The following FRAS1 variants were observed in gnomAD, a reference collection of about 807,000 sequenced individuals.
The protein encoded by FRAS1 is Fraser extracellular matrix complex subunit 1.
Under a neutral mutation model 435.2 loss-of-function variants are expected in FRAS1, and 290 were observed. That is an observed-to-expected ratio of 0.67 (90% CI 0.61 to 0.73). The LOEUF (loss-of-function observed/expected upper bound fraction) is 0.73, where lower values mean the gene tolerates loss of function less well. Among genes scored for constraint, FRAS1 ranks in the 30% least tolerant of loss-of-function variants. The pLI is 0.00. For missense variants in FRAS1, 4,860 were observed against 5,001.5 expected, an observed-to-expected ratio of 0.97 and a Z score of 0.85; for synonymous variants, 1,800 against 1,851.0, an observed-to-expected ratio of 0.97 and a Z score of 0.71.
At chr4:78,094,605 T>C (rs1741701161) in intron 2 of FRAS1, among the ~76,000 whole-genome samples, 1 of 152,076 alleles carries the variant, frequency 6.6e-6, no homozygotes, top group Non-Finnish European at 1.5e-5. Context: ...TTGGTGAAAA[T>C]TTTCTGAGTT....
chr4:78,528,211 C>T (rs62310307), intron 70 of FRAS1, among the ~76,000 whole-genome samples: 58,059 of 151,966 alleles, frequency 0.38, 11,364 homozygotes, highest in South Asian at 0.54. Flanking sequence ...TAGAGGGTTA[C>T]AGCTAGCAGC....
chr4:78,498,842 T>TTTATTTA (rs1720590103), intron 60 of FRAS1, among the ~76,000 whole-genome samples: 13 of 147,686 alleles, frequency 8.8e-5, no homozygotes, highest in African/African-American at 3.0e-4. Flanking sequence ...CAATATATTA[T>TTTATTTA]TTTATTTATT....
At chr4:78,427,808 A>G (rs957651535) in intron 35 of FRAS1, among the ~76,000 whole-genome samples, 1 of 152,236 alleles carries the variant, frequency 6.6e-6, no homozygotes, top group Non-Finnish European at 1.5e-5. Flanking sequence ...GATCTGTCTC[A>G]AGGGAAAGAC....
At chr4:78,394,028 T>C (rs138978099) in intron 29 of FRAS1, among the ~76,000 whole-genome samples, 125 of 152,164 alleles carry the variant, frequency 8.2e-4, no homozygotes, top group Non-Finnish European at 1.4e-3. Flanking sequence ...GAGAAATACC[T>C]ATTTAGGTTT....
intron 6 of FRAS1, among the ~76,000 whole-genome samples, chr4:78,261,958 T>G (rs962554214): frequency 3.3e-5 from 5 of 152,194 alleles, no homozygotes; most frequent in African/African-American, 1.2e-4. Flanking sequence ...CAAGTTCCCT[T>G]CTTTCTATTT....
chr4:78,190,908 A>C (rs1224798070), intron 2 of FRAS1, among the ~76,000 whole-genome samples: 6 of 152,202 alleles, frequency 3.9e-5, no homozygotes. Context: ...AAACAACAAA[A>C]GATGTAATTA....
intron 20 of FRAS1, among the ~76,000 whole-genome samples, chr4:78,354,659 T>A (rs778855759): frequency 6.6e-5 from 10 of 152,200 alleles, no homozygotes; most frequent in Non-Finnish European, 1.3e-4. Flanking sequence ...CAAGTGCTGA[T>A]TATTTTGACC....
At chr4:78,422,070 AC>A (rs1379421334) in intron 34 of FRAS1, 70 bp downstream of exon 34, 1 of 1,494,242 alleles carries the variant, frequency 6.7e-7, no homozygotes, top group Non-Finnish European at 9.0e-7. Context: ...GCTCGCCCTA[AC>A]TCTCCCTGCA....
chr4:78,311,390 G>A (rs778916983), intron 15 of FRAS1, among the ~76,000 whole-genome samples: 3 of 152,072 alleles, frequency 2.0e-5, no homozygotes, highest in Non-Finnish European at 4.4e-5. Context: ...CATGCACCAC[G>A]TTGTTCTCTC....
intron 2 of FRAS1, among the ~76,000 whole-genome samples, chr4:78,122,986 T>C (rs1332978220): frequency 6.6e-6 from 1 of 152,194 alleles, no homozygotes; most frequent in Non-Finnish European, 1.5e-5. Context: ...TTTAATTAGA[T>C]CCCATTTGTC....
chr4:78,324,432 C>T (rs1179622560), intron 18 of FRAS1, among the ~76,000 whole-genome samples: 1 of 152,088 alleles, frequency 6.6e-6, no homozygotes, highest in Admixed American at 6.5e-5. Flanking sequence ...AATCTTATGG[C>T]ATAAATTCTG....
At chr4:78,117,658 G>A (rs564472702) in intron 2 of FRAS1, among the ~76,000 whole-genome samples, 25 of 152,152 alleles carry the variant, frequency 1.6e-4, no homozygotes, top group African/African-American at 3.6e-4. Flanking sequence ...TGTAGTTCTC[G>A]TGCCATGGTT....
intron 31 of FRAS1, among the ~76,000 whole-genome samples, chr4:78,410,858 C>T (rs571132502): frequency 2.0e-4 from 31 of 152,244 alleles, no homozygotes; most frequent in Middle Eastern, 3.4e-3. Context: ...GGATTATGTT[C>T]TCCTGATGTA....
At chr4:78,140,751 G>T (rs199570128) in intron 2 of FRAS1, among the ~76,000 whole-genome samples, 39 of 94,726 alleles carry the variant, frequency 4.1e-4, no homozygotes, top group Non-Finnish European at 4.5e-4. Context: ...ATGTATATAC[G>T]TGTGTGTATA....
At chr4:78,356,491 A>G (rs1578270090) in intron 20 of FRAS1, among the ~76,000 whole-genome samples, 3 of 152,292 alleles carry the variant, frequency 2.0e-5, no homozygotes, top group East Asian at 1.9e-4. Context: ...AGAAACCACA[A>G]GTGTGTTTTT....
chr4:78,088,992 C>T (rs1741359089), intron 2 of FRAS1, among the ~76,000 whole-genome samples: 1 of 152,020 alleles, frequency 6.6e-6, no homozygotes, highest in Non-Finnish European at 1.5e-5. Flanking sequence ...ATGTTTATTG[C>T]AGCACTATTC....
chr4:78,067,672 TTTATTA>T lies in FRAS1; in HGVS notation c.108+1692_108+1697del, dbSNP rs60743368. On this transcript the variant is annotated intron_variant, in intron 2 of 73. Transcript: ENST00000512123. ...TTTCTTTTTCTTTTTTTTTCTTTCTTTTATTATTATTATTATTATTATTATTATTAT... is the reference window on the plus strand; with the variant it reads ...TTTCTTTTTCTTTTTTTTTCTTTCTTTTATTATTATTATTATTATTATTAT... Among the ~76,000 whole-genome samples, 517 of 125,738 alleles carry T rather than the reference TTTATTA, an allele frequency of 4.1e-3. 3 individuals are homozygous for T. Among genetic ancestry groups the T allele is most frequent in the African/African-American group, 8.7e-3 (277 of 31,884 alleles). The allele number at this position is 125,738 out of a possible 152,430, so 82.5% of individuals were successfully genotyped here.
chr4:78,221,231 A>T (rs1390929925), intron 2 of FRAS1, among the ~76,000 whole-genome samples: 1 of 152,218 alleles, frequency 6.6e-6, no homozygotes, highest in Non-Finnish European at 1.5e-5. Flanking sequence ...TATAGAATTT[A>T]TTATAAAGGC....
At chr4:78,170,845 C>T (rs1224456907) in intron 2 of FRAS1, among the ~76,000 whole-genome samples, 2 of 152,022 alleles carry the variant, frequency 1.3e-5, no homozygotes, top group African/African-American at 4.8e-5. Context: ...AGTCACACTG[C>T]ATCCTCAGGT....
Sources: allele counts gnomAD v4.1 joint callset (sites outside exome capture counted in the v4.1 genomes callset), GRCh38; gene constraint gnomAD v4.1.1; transcripts MANE v1.5; gene names NCBI Gene and HGNC (gene_info 2026-07-23, HGNC 2026-07-21).